Variants in FCRL4 observed in about 807,000 individuals in gnomAD.
FCRL4 encodes Fc receptor-like protein 4.
A neutral mutation model predicts 64.1 loss-of-function variants in FCRL4; 43 were observed. The ratio of observed to expected loss-of-function variants is 0.67; its 90% CI spans 0.53 to 0.87. FCRL4 has a LOEUF of 0.87. Among genes scored for constraint, FCRL4 ranks in the 40% least tolerant of loss-of-function variants. The pLI is 0.00. For synonymous variants in FCRL4, 253 were observed against 239.8 expected (o/e 1.05, Z -0.51); for missense variants, 656 against 613.5 (o/e 1.07, Z -0.73).
At chr1:157,592,603 T>C (rs999695422) in intron 2 of FCRL4, among the ~76,000 whole-genome samples, 2 of 152,172 alleles carry the variant, frequency 1.3e-5, no homozygotes, top group Non-Finnish European at 2.9e-5. Flanking sequence ...CTGGTGAGGA[T>C]GTGAAGAAAT....
rs867663055 is a variant in FCRL4, at chr1:157,573,812, T to C, written c.*1712A>G. 5.4e-6 allele frequency: 1 copy of C among 185,832 alleles called. No individual in the cohort carries two copies. Among genetic ancestry groups the C allele is most frequent in the Non-Finnish European group, 1.1e-5 (1 of 89,480 alleles). 11.5% of individuals were successfully genotyped at this position (185,832 alleles called of 1,614,324 possible). On this transcript the variant is annotated 3_prime_UTR_variant, in exon 12 of 12. Transcript: ENST00000271532. ...GCTGAAAGTGAATATCCTTTTGCTT[T>C]TATAAAAACATCACTACAATAAACT... is the stretch of plus-strand genomic sequence containing the variant.
intron 2 of FCRL4, among the ~76,000 whole-genome samples, chr1:157,591,638 C>T (rs2101686450): frequency 6.6e-6 from 1 of 152,144 alleles, no homozygotes; most frequent in Admixed American, 6.5e-5. Context: ...ACTTCCCAGA[C>T]CTCAAAGGCA....
At position 157,579,760 on chromosome 1, in the gene FCRL4, T is replaced by C. The variant is rs550210636; in HGVS notation, c.1277+561A>G. On this transcript the variant is annotated intron_variant, in intron 8 of 11. Transcript: ENST00000271532. ...CATACATACATACATAAAATGTCTT[T>C]ACATTGTAATGTCTGTACAATCCAA... 2.1e-5 allele frequency among the ~76,000 whole-genome samples: 3 copies of C among 144,676 alleles called. No individual in the cohort carries two copies. The East Asian group carries it at 6.5e-4, about 31-fold the overall frequency. 94.9% of individuals were successfully genotyped at this position (144,676 alleles called of 152,430 possible). A position where few individuals can be genotyped will look rare whatever the true frequency, so the allele number is the denominator to read the frequency against.
chr1:157,582,128 C>G (rs578212960), intron 6 of FCRL4, among the ~76,000 whole-genome samples: 1 of 152,302 alleles, frequency 6.6e-6, no homozygotes, highest in East Asian at 1.9e-4. Flanking sequence ...TCATAGAAGC[C>G]TGTGCCTGTG....
chr1:157,574,998 T>G lies in FCRL4; in HGVS notation c.*526A>C, dbSNP rs910160145. 3 of 223,052 alleles carry G rather than the reference T, an allele frequency of 1.3e-5. No homozygotes were observed. Among genetic ancestry groups the G allele is most frequent in the African/African-American group, 6.7e-5 (3 of 44,668 alleles). 13.8% of individuals were successfully genotyped at this position (223,052 alleles called of 1,614,324 possible). ...GGTTCTTTAATCTGCAACTGAATCC[T>G]GACAGTGTAAGCTGTGCAGGCAGAA... On this transcript the variant is annotated 3_prime_UTR_variant, in exon 12 of 12. Transcript: ENST00000271532.
In FCRL4 at chr1:157,575,601, C is replaced by G; in HGVS notation, c.1471G>C (p.Val491Leu). 6.2e-7 allele frequency: 1 copy of G among 1,613,716 alleles called. No homozygotes were observed. The highest frequency in any genetic ancestry group is 1.1e-5 in the South Asian group (1 of 91,074). ...RTLLEDKDVS[V>L]VYSEVKTQHP... Reference sequence around the variant, plus strand: ...TGTGTCTTTACCTCAGAGTAGACAACTGAGACATCCTGAAATGGAAGAAAG... The same window carrying G: ...TGTGTCTTTACCTCAGAGTAGACAAGTGAGACATCCTGAAATGGAAGAAAG... Residue 491 changes from valine (V) to leucine (L), a missense_variant, in exon 12 of 12, where the codon GTT (valine) becomes CTT (leucine). Val to Leu is a conservative substitution (Grantham distance 32). Coordinates refer to ENST00000271532, the MANE Select transcript of FCRL4 (RefSeq NM_031282.3).
At position 157,574,500 on chromosome 1, in the gene FCRL4, C is replaced by T; in HGVS notation, c.*1024G>A. 4 of 210,026 alleles carry T rather than the reference C, an allele frequency of 1.9e-5. No homozygotes were observed. The highest frequency in any genetic ancestry group is 3.9e-5 in the Non-Finnish European group (4 of 103,410). The allele number at this position is 210,026 out of a possible 1,614,324, so 13.0% of individuals were successfully genotyped here. A position where few individuals can be genotyped will look rare whatever the true frequency, so the allele number is the denominator to read the frequency against. On this transcript the variant is annotated 3_prime_UTR_variant, in exon 12 of 12. Transcript: ENST00000271532. ...ACCAGTAGGTGTATCATGAAATATCCATACAAATTTGTGGCTTCCTATTTC... is the reference window on the plus strand; with the variant it reads ...ACCAGTAGGTGTATCATGAAATATCTATACAAATTTGTGGCTTCCTATTTC...
chr1:157,591,830 C>A (rs181631224), intron 2 of FCRL4, among the ~76,000 whole-genome samples: 2 of 152,280 alleles, frequency 1.3e-5, no homozygotes, highest in African/African-American at 4.8e-5. Flanking sequence ...CTGTCCTTTT[C>A]AAATGCATGT....
rs756648407 is a variant in FCRL4, at chr1:157,587,879, AT to A, written c.547del (p.Ile183Ter). The part of the protein sequence containing the change: ...ENDVFRSNFK[I>X]IKIQELFPHP... ...GAAAGATTCACCTTGAATTTTAATT[AT>A]TTTGAAATTTGATCTAAATACATCA... On this transcript the variant is annotated frameshift_variant, in exon 4 of 12. Coordinates refer to ENST00000271532, the MANE Select transcript of FCRL4 (RefSeq NM_031282.3). LOFTEE classifies it high-confidence loss of function. 4.8e-5 allele frequency: 77 copies of A among 1,605,622 alleles called. No homozygotes were observed. Among genetic ancestry groups the A allele is most frequent in the Non-Finnish European group, 6.4e-5 (75 of 1,173,952 alleles).
At chr1:157,595,841 A>G (rs773706868) in intron 2 of FCRL4, among the ~76,000 whole-genome samples, 1 of 152,206 alleles carries the variant, frequency 6.6e-6, no homozygotes, top group Non-Finnish European at 1.5e-5. Context: ...GACCAGTAGG[A>G]TAGATGGAGA....
Position 157,578,483 on chromosome 1 carries a change from C to T in FCRL4, c.1420G>A (p.Glu474Lys). 6.2e-7 allele frequency: 1 copy of T among 1,613,532 alleles called. No individual in the cohort carries two copies. Among genetic ancestry groups the T allele is most frequent in the Non-Finnish European group, 8.5e-7 (1 of 1,179,448 alleles). The change falls in exon 10 of 12, where the codon GAA becomes AAA. Residue 474 changes from glutamate to lysine, a missense_variant. Glu to Lys is a moderately conservative substitution (Grantham distance 56, BLOSUM62 1). Transcript: ENST00000271532. ...SEIQTTQLGE[E>K]EEANTSRTLL... ...CTTCCCAAAGACGTACCTTCCTCTT[C>T]TTCTCCCAGCTGAGTAGTCTGGATC...
chr1:157,575,889 G>A (rs60560678), intron 10 of FCRL4, among the ~76,000 whole-genome samples, 159 bp from the exon 11 acceptor site: 9 of 152,122 alleles, frequency 5.9e-5, no homozygotes, highest in African/African-American at 2.2e-4. Flanking sequence ...ATGACTTTCT[G>A]TTCTACCATT....
chr1:157,597,714 T>A (rs998724627), intron 1 of FCRL4, among the ~76,000 whole-genome samples, 200 bp downstream of exon 1: 1 of 152,302 alleles, frequency 6.6e-6, no homozygotes, highest in South Asian at 2.1e-4. Flanking sequence ...ATAGCAAAAA[T>A]AGATGAGAAA....
Position 157,574,989 on chromosome 1 carries a change from A to T in FCRL4, c.*535T>A, listed in dbSNP as rs1254660504. ...TTCCAGATGGGTTCTTTAATCTGCA[A>T]CTGAATCCTGACAGTGTAAGCTGTG... is the stretch of plus-strand genomic sequence containing the variant. On this transcript the variant is annotated 3_prime_UTR_variant, in exon 12 of 12. Coordinates refer to ENST00000271532, the MANE Select transcript of FCRL4 (RefSeq NM_031282.3). 9.0e-6 allele frequency: 2 copies of T among 221,610 alleles called. No homozygotes were observed. Among genetic ancestry groups the T allele is most frequent in the Non-Finnish European group, 1.8e-5 (2 of 110,948 alleles). 13.7% of individuals were successfully genotyped at this position (221,610 alleles called of 1,614,324 possible).
At chr1:157,579,715 C>A (rs1008271853) in intron 8 of FCRL4, among the ~76,000 whole-genome samples, 2 of 112,518 alleles carry the variant, frequency 1.8e-5, no homozygotes, top group East Asian at 2.0e-4. Context: ...TACATACATA[C>A]ATACATACAT....
At chr1:157,587,220 A>G in intron 5 of FCRL4, 56 bp downstream of exon 5, 1 of 1,581,722 alleles carries the variant, frequency 6.3e-7, no homozygotes, top group East Asian at 2.2e-5. Flanking sequence ...CCCCATGCCT[A>G]CAGAGCCCAA....
In FCRL4 at chr1:157,578,822, G is replaced by C. The variant is rs758968528; in HGVS notation, c.1308C>G (p.Ser436=). The C allele has an allele frequency of 2.5e-6, 4 of 1,613,654 alleles. No homozygotes were observed. Among genetic ancestry groups the C allele is most frequent in the South Asian group, 2.2e-5 (2 of 91,042 alleles). Residue 436 remains serine (S), a synonymous_variant, in exon 9 of 12, where the codon TCC becomes TCG. Transcript: ENST00000271532. ...RLPPAPGPGE[S]SHSICPAQVE... is the part of the protein sequence containing the mutation. ...CCTGGGCAGGGCAGATGGAATGGGA[G>C]GACTCTCCTGGGCCTGGAGCGGGAG... is the stretch of plus-strand genomic sequence containing the variant.
rs774005304 is a variant in FCRL4, at chr1:157,588,000, G to T, written c.427C>A (p.Leu143Ile). 17 of 1,613,028 alleles carry T rather than the reference G, an allele frequency of 1.1e-5. No homozygotes were observed. Among genetic ancestry groups the T allele is most frequent in the Non-Finnish European group, 1.4e-5 (16 of 1,179,512 alleles). The change falls in exon 4 of 12, where the codon CTT (leucine) becomes ATT (isoleucine). Residue 143 changes from leucine to isoleucine, a missense_variant. By Grantham distance (5) the Leu-to-Ile change is conservative (BLOSUM62 2). Transcript: ENST00000271532. ...TCCCAGCTTTTATTAGAAATGGAAA[G>T]AATGTTTCCATTCCAAGTATATTTC... ...AVKYTWNGNI[L>I]SISNKSWDLL...
At chr1:157,589,519 T>C in intron 2 of FCRL4, 61 bp from the exon 3 acceptor site, 1 of 1,583,056 alleles carries the variant, frequency 6.3e-7, no homozygotes, top group South Asian at 1.2e-5. Context: ...CTGCAGTGGC[T>C]TGTGTGGGTT....
Sources: gnomAD v4.1 joint callset for allele counts (sites outside exome capture counted in the v4.1 genomes callset) on GRCh38, gnomAD v4.1.1 for gene constraint, MANE v1.5 for transcripts, NCBI Gene and HGNC (gene_info 2026-07-23, HGNC 2026-07-21) for gene names.